The following GTF2F2 variants were observed in gnomAD, a reference collection of about 807,000 sequenced individuals.
GTF2F2 encodes the protein ATP-dependent helicase GTF2F2.
GTF2F2 carries 23 observed loss-of-function variants against 42.2 expected under a neutral mutation model. That is an observed-to-expected ratio of 0.55 (90% CI 0.39 to 0.77). GTF2F2 has a LOEUF of 0.77. Among genes scored for constraint, GTF2F2 ranks in the 30% least tolerant of loss-of-function variants. GTF2F2 has a pLI of 0.00. For missense variants in GTF2F2, 261 were observed against 287.2 expected, an observed-to-expected ratio of 0.91 and a Z score of 0.66; for synonymous variants, 105 against 100.8, an observed-to-expected ratio of 1.04 and a Z score of -0.25.
intron 5 of GTF2F2, among the ~76,000 whole-genome samples, chr13:45,235,827 A>G (rs2138225557): frequency 6.6e-6 from 1 of 151,674 alleles, no homozygotes; most frequent in Non-Finnish European, 1.5e-5. Flanking sequence ...CTGGTCTCGA[A>G]CTCCTGACCT....
At chr13:45,138,432 G>A (rs922354855) in intron 2 of GTF2F2, among the ~76,000 whole-genome samples, 4 of 152,252 alleles carry the variant, frequency 2.6e-5, no homozygotes, top group South Asian at 4.1e-4. Context: ...AGAATTGACC[G>A]CTGATCTAGA....
chr13:45,195,905 C>G (rs1872868903), intron 4 of GTF2F2, among the ~76,000 whole-genome samples: 1 of 152,166 alleles, frequency 6.6e-6, no homozygotes, highest in Admixed American at 6.5e-5. Flanking sequence ...ATCTGCCCAC[C>G]TCAGCCTCCC....
chr13:45,258,726 ACT>A (rs1017395059), intron 6 of GTF2F2, among the ~76,000 whole-genome samples: 2 of 152,180 alleles, frequency 1.3e-5, no homozygotes, highest in African/African-American at 4.8e-5. Context: ...TTAAAATTAT[ACT>A]CTTTCATCCC....
intron 4 of GTF2F2, among the ~76,000 whole-genome samples, chr13:45,163,110 T>C (rs760658116): frequency 1.3e-5 from 2 of 152,132 alleles, no homozygotes; most frequent in Non-Finnish European, 2.9e-5. Context: ...CTAACAATTG[T>C]GGAAGTCCAG....
At chr13:45,143,651 T>A (rs868063557) in intron 2 of GTF2F2, among the ~76,000 whole-genome samples, 1 of 152,108 alleles carries the variant, frequency 6.6e-6, no homozygotes, top group Non-Finnish European at 1.5e-5. Flanking sequence ...GGCCAGAAAC[T>A]AGGAGATCTG....
chr13:45,202,932 A>T (rs1873265350), intron 4 of GTF2F2, among the ~76,000 whole-genome samples: 1 of 152,248 alleles, frequency 6.6e-6, no homozygotes, highest in Non-Finnish European at 1.5e-5. Flanking sequence ...CAGCTACTCC[A>T]GCCTGGGTGA....
intron 6 of GTF2F2, among the ~76,000 whole-genome samples, chr13:45,255,695 T>C (rs1010368719): frequency 1.3e-5 from 2 of 152,236 alleles, no homozygotes; most frequent in Admixed American, 6.5e-5. Context: ...TATTCTACTT[T>C]GTAAAACAGT....
intron 5 of GTF2F2, among the ~76,000 whole-genome samples, chr13:45,237,553 G>C (rs536244645): frequency 2.0e-5 from 3 of 152,188 alleles, no homozygotes; most frequent in African/African-American, 7.2e-5. Context: ...GTTTTATAAA[G>C]GTTATCTCAC....
At chr13:45,239,327 T>C (rs1875161916) in intron 5 of GTF2F2, among the ~76,000 whole-genome samples, 1 of 152,214 alleles carries the variant, frequency 6.6e-6, no homozygotes, top group Non-Finnish European at 1.5e-5. Flanking sequence ...ATATTTATAT[T>C]TTGGACTGTT....
At chr13:45,234,039 T>C (rs776420026) in intron 5 of GTF2F2, among the ~76,000 whole-genome samples, 6 of 152,202 alleles carry the variant, frequency 3.9e-5, no homozygotes, top group Admixed American at 2.6e-4. Context: ...AAGCAACATT[T>C]GCAAAGATGG....
At chr13:45,257,510 A>T (rs1484307010) in intron 6 of GTF2F2, among the ~76,000 whole-genome samples, 2 of 152,316 alleles carry the variant, frequency 1.3e-5, no homozygotes, top group African/African-American at 4.8e-5. Context: ...ACTTCACTTT[A>T]ATATACTCAA....
intron 5 of GTF2F2, among the ~76,000 whole-genome samples, chr13:45,212,499 C>CTTTCTTTCT (rs1566137197): frequency 4.9e-5 from 5 of 102,334 alleles, no homozygotes; most frequent in Non-Finnish European, 6.5e-5. Context: ...TTCTTTCTTT[C>CTTTCTTTCT]TTTCTTTCTT....
At chr13:45,257,527 T>G (rs9534083) in intron 6 of GTF2F2, among the ~76,000 whole-genome samples, 54,845 of 152,048 alleles carry the variant, frequency 0.36, 13,631 homozygotes, top group African/African-American at 0.71. Flanking sequence ...TCAAGATTAG[T>G]AAGCTTTAGG....
At chr13:45,165,324 TATATATA>T (rs1871229350) in intron 4 of GTF2F2, among the ~76,000 whole-genome samples, 2 of 132,370 alleles carry the variant, frequency 1.5e-5, no homozygotes, top group Non-Finnish European at 3.1e-5. Flanking sequence ...TATATATATA[TATATATA>T]TTTTTTTTTT....
intron 4 of GTF2F2, among the ~76,000 whole-genome samples, chr13:45,171,145 T>G (rs1871579509): frequency 6.7e-6 from 1 of 149,794 alleles, no homozygotes; most frequent in Non-Finnish European, 1.5e-5. Flanking sequence ...TAATTCGATC[T>G]TGGCTCACTG....
At chr13:45,270,601 A>G (rs909176930) in intron 7 of GTF2F2, among the ~76,000 whole-genome samples, 2 of 152,182 alleles carry the variant, frequency 1.3e-5, no homozygotes, top group Non-Finnish European at 1.5e-5. Flanking sequence ...CAAAGGCCCA[A>G]TTCTTACTAC....
intron 5 of GTF2F2, among the ~76,000 whole-genome samples, chr13:45,218,281 T>G (rs1416476647): frequency 2.0e-5 from 3 of 152,216 alleles, no homozygotes; most frequent in African/African-American, 7.2e-5. Context: ...CCAAATTCCC[T>G]TAGGCAGGAG....
chr13:45,260,305 T>C (rs1876283481), intron 6 of GTF2F2, among the ~76,000 whole-genome samples: 1 of 152,236 alleles, frequency 6.6e-6, no homozygotes, highest in South Asian at 2.1e-4. Flanking sequence ...CAGTAATATT[T>C]GCCTGTTATA....
At chr13:45,128,703 T>C (rs1321770909) in intron 1 of GTF2F2, among the ~76,000 whole-genome samples, 1 of 152,002 alleles carries the variant, frequency 6.6e-6, no homozygotes, top group African/African-American at 2.4e-5. Context: ...AAACGATCCT[T>C]CTGCCTCAAC....
Sources: gnomAD v4.1 joint callset for allele counts (sites outside exome capture counted in the v4.1 genomes callset) on GRCh38, gnomAD v4.1.1 for gene constraint, MANE v1.5 for transcripts, NCBI Gene and HGNC (gene_info 2026-07-23, HGNC 2026-07-21) for gene names.